The following BOC variants were observed in gnomAD, a reference collection of about 807,000 sequenced individuals.
BOC encodes BOC cell adhesion associated, oncogene regulated, also known as brother of CDO.
BOC carries 76 observed loss-of-function variants against 112.0 expected under a neutral mutation model. The ratio of observed to expected loss-of-function variants is 0.68; its 90% confidence interval spans 0.56 to 0.82. The LOEUF (loss-of-function observed/expected upper bound fraction) is 0.82. Among genes scored for constraint, BOC ranks in the 40% least tolerant of loss-of-function variants. BOC has a pLI of 0.00. For missense variants in BOC, 1,309 were observed against 1,511.7 expected, an observed-to-expected ratio of 0.87 and a Z score of 2.22; for synonymous variants, 580 against 599.8, an observed-to-expected ratio of 0.97 and a Z score of 0.48.
chr3:113,278,045 T>C lies in BOC; in HGVS notation c.1543-50T>C, dbSNP rs1948829084. 6.2e-7 allele frequency: 1 copy of C among 1,605,572 alleles called. No individual in the cohort carries two copies. Among genetic ancestry groups the C allele is most frequent in the Non-Finnish European group, 8.5e-7 (1 of 1,173,648 alleles). On this transcript the variant is annotated intron_variant, in intron 9 of 19. Coordinates refer to ENST00000682979, the MANE Select transcript of BOC (RefSeq NM_001378074.1). The surrounding 1 kb of genome is among the most constrained non-coding windows in gnomAD (Gnocchi z 4.2). ...GCTTTCTTTGTAAACCATAGCCCACTCGTAGCCCGAGGCTGAGATGCCGGT... is the reference window on the plus strand; with the variant it reads ...GCTTTCTTTGTAAACCATAGCCCACCCGTAGCCCGAGGCTGAGATGCCGGT...
chr3:113,263,535 A>G (rs114389270), intron 4 of BOC, among the ~76,000 whole-genome samples: 1 of 152,222 alleles, frequency 6.6e-6, no homozygotes, highest in Non-Finnish European at 1.5e-5. Flanking sequence ...AGATTGAATG[A>G]ATAACTCCCT....
chr3:113,283,502 G>A lies in BOC; in HGVS notation c.2526G>A (p.Val842=), dbSNP rs761060304. ...TTCCTGAAACCATAGAGCGGCCGGT[G>A]GGCACTGGGGCCATGGTGGCTCGCT... ...PPLPETIERP[V]GTGAMVARSS... is the part of the protein sequence containing the mutation. The change falls in exon 16 of 20, where the codon GTG becomes GTA. Residue 842 remains valine (V), a synonymous_variant. Coordinates refer to ENST00000682979, the MANE Select transcript of BOC (RefSeq NM_001378074.1). The A allele has an allele frequency of 6.2e-7, 1 of 1,613,994 alleles. No homozygotes were observed. Among genetic ancestry groups the A allele is most frequent in the Non-Finnish European group, 8.5e-7 (1 of 1,180,000 alleles).
intron 4 of BOC, among the ~76,000 whole-genome samples, chr3:113,255,763 G>A (rs1946161612): frequency 6.6e-6 from 1 of 152,290 alleles, no homozygotes; most frequent in African/African-American, 2.4e-5. Flanking sequence ...AAGAAAGGAA[G>A]GAGTCCCCCT....
chr3:113,274,710 T>A lies in BOC; in HGVS notation c.1542+28T>A. ...ATGGCCCTGGTGTGGGGCTGCTGCCTCCCCTGCACAGCCTTTCCAGCAAGG... is the reference window on the plus strand; with the variant it reads ...ATGGCCCTGGTGTGGGGCTGCTGCCACCCCTGCACAGCCTTTCCAGCAAGG... On this transcript the variant is annotated intron_variant, in intron 9 of 19. Transcript: ENST00000682979. The surrounding 1 kb of genome is among the most constrained non-coding windows in gnomAD (Gnocchi z 4.8). 6.4e-7 allele frequency: 1 copy of A among 1,551,224 alleles called. No homozygotes were observed. Among genetic ancestry groups the A allele is most frequent in the Non-Finnish European group, 8.8e-7 (1 of 1,141,712 alleles).
rs1359587014 is a variant in BOC at position 113,286,757 on chromosome 3, T to C, written c.3243T>C (p.Cys1081=). ...GCCAAGTGAGTGGAGGAGACTGGTG[T>C]CCCCAGCACCCCGTAGGGGCCTACG... ...DSCQVSGGDW[C]PQHPVGAYVG... The change falls in exon 20 of 20, where the codon TGT becomes TGC. Residue 1081 remains cysteine, a synonymous_variant. Coordinates refer to ENST00000682979, the MANE Select transcript of BOC (RefSeq NM_001378074.1). The C allele has an allele frequency of 1.2e-6, 2 of 1,613,764 alleles. No homozygotes were observed. The highest frequency in any genetic ancestry group is 2.2e-5 in the South Asian group (2 of 91,040).
Position 113,268,962 on chromosome 3 carries a change from T to G in BOC, c.523+517T>G, listed in dbSNP as rs775223. On this transcript the variant is annotated intron_variant, in intron 5 of 19. Coordinates refer to ENST00000682979, the MANE Select transcript of BOC (RefSeq NM_001378074.1). ...CAGGTGGCTTCCATTATGGAAGTCC[T>G]CTGTCTTAGCATGAGGAATTTCTTT... Among the ~76,000 whole-genome samples, 1,474 of 151,248 alleles carry G rather than the reference T, an allele frequency of 9.7e-3. 30 individuals carry two copies. The highest frequency in any genetic ancestry group is 0.034 in the African/African-American group (1,402 of 41,468).
At chr3:113,281,240 G>T (rs552540169) in intron 15 of BOC, 87 bp downstream of exon 15, 102 of 1,493,960 alleles carry the variant, frequency 6.8e-5, no homozygotes, top group Non-Finnish European at 8.8e-5. Flanking sequence ...TGCGGTGCTG[G>T]GCCTCTTTCC....
intron 4 of BOC, among the ~76,000 whole-genome samples, chr3:113,261,404 A>G (rs999365): frequency 0.032 from 4,901 of 152,218 alleles, 145 homozygotes; most frequent in East Asian, 0.084. Flanking sequence ...TTTCTTCAGT[A>G]TATTTTTTTT....
At chr3:113,225,981 G>A (rs1941597128) in intron 2 of BOC, among the ~76,000 whole-genome samples, 1 of 152,138 alleles carries the variant, frequency 6.6e-6, no homozygotes, top group African/African-American at 2.4e-5. Context: ...CCACAAGTAG[G>A]TACAGTGATA....
At chr3:113,254,486 T>TA (rs1946010412) in intron 4 of BOC, among the ~76,000 whole-genome samples, 1 of 152,118 alleles carries the variant, frequency 6.6e-6, no homozygotes, top group South Asian at 2.1e-4. Context: ...AGCAGTAGAT[T>TA]AAGTTTCTGA....
At chr3:113,280,733 A>G (rs974392984) in intron 14 of BOC, 70 bp downstream of exon 14, 18 of 1,296,666 alleles carry the variant, frequency 1.4e-5, no homozygotes, top group Non-Finnish European at 1.9e-5. Flanking sequence ...GGGACAAGGT[A>G]TTGGTGAAAT....
intron 2 of BOC, among the ~76,000 whole-genome samples, chr3:113,243,635 C>T (rs1944571077): frequency 6.6e-6 from 1 of 152,124 alleles, no homozygotes; most frequent in Admixed American, 6.6e-5. Context: ...TACAGATAAA[C>T]CCAACTGTTT....
In BOC at chr3:113,268,367, G is replaced by T; in HGVS notation, c.445G>T (p.Ala149Ser). 6.2e-7 allele frequency: 1 copy of T among 1,614,128 alleles called. No individual in the cohort carries two copies. Among genetic ancestry groups the T allele is most frequent in the Non-Finnish European group, 8.5e-7 (1 of 1,180,002 alleles). Reference sequence around the variant, plus strand: ...GGATGAGGGAAACACAGCAGTCATTGCCTGCCACCTGCCTGAGAGCCACCC... The same window carrying T: ...GGATGAGGGAAACACAGCAGTCATTTCCTGCCACCTGCCTGAGAGCCACCC... ...EVDEGNTAVI[A>S]CHLPESHPKA... The change falls in exon 5 of 20, where the codon GCC (alanine) becomes TCC (serine). Residue 149 changes from alanine to serine, a missense_variant. Coordinates refer to ENST00000682979, the MANE Select transcript of BOC (RefSeq NM_001378074.1).
At position 113,287,296 on chromosome 3, in the gene BOC, C is replaced by A; in HGVS notation, c.*434C>A. 1 of 300,622 alleles carries A rather than the reference C, an allele frequency of 3.3e-6. No individual in the cohort carries two copies. Among genetic ancestry groups the A allele is most frequent in the South Asian group, 2.9e-5 (1 of 33,934 alleles). The allele number at this position is 300,622 out of a possible 1,614,324, so 18.6% of individuals were successfully genotyped here. ...ACACAGATGGCTGGATCCGGTGCTACGGGAAACATTTTCCTAAGATGCCCA... is the reference window on the plus strand; with the variant it reads ...ACACAGATGGCTGGATCCGGTGCTAAGGGAAACATTTTCCTAAGATGCCCA... On this transcript the variant is annotated 3_prime_UTR_variant, in exon 20 of 20. Transcript: ENST00000682979.
intron 2 of BOC, among the ~76,000 whole-genome samples, chr3:113,248,521 G>C (rs1158485054): frequency 6.6e-6 from 1 of 152,204 alleles, no homozygotes; most frequent in East Asian, 1.9e-4. Flanking sequence ...CCACCGTGCA[G>C]ATCACTGGAA....
intron 1 of BOC, among the ~76,000 whole-genome samples, chr3:113,213,270 T>C (rs1181032158): frequency 6.6e-6 from 1 of 152,116 alleles, no homozygotes; most frequent in Admixed American, 6.5e-5. Context: ...GATTATATTT[T>C]GATTTCAGGC....
intron 2 of BOC, among the ~76,000 whole-genome samples, chr3:113,237,618 G>A (rs1559823678): frequency 6.6e-6 from 1 of 152,150 alleles, no homozygotes. Context: ...GCATCTGCAG[G>A]GACACAGCCT....
intron 19 of BOC, among the ~76,000 whole-genome samples, chr3:113,286,042 C>T (rs533220189): frequency 3.3e-5 from 5 of 152,256 alleles, no homozygotes; most frequent in Admixed American, 2.6e-4. Flanking sequence ...TGTACTTCCA[C>T]GGAACTTTTT....
chr3:113,273,091 G>T lies in BOC; in HGVS notation c.984G>T (p.Glu328Asp). The change falls in exon 8 of 20, where the codon GAG becomes GAT. Residue 328 changes from glutamate (E) to aspartate (D), a missense_variant. Physicochemically the swap from Glu to Asp is conservative, Grantham distance 45. Transcript: ENST00000682979. ...QVFEPPEVTM[E>D]LSQLVIPWGQ... ...CAGAACCCCCTGAGGTCACCATGGA[G>T]CTATCCCAGCTGGTCATCCCCTGGG... The T allele has an allele frequency of 6.2e-7, 1 of 1,607,450 alleles. No homozygotes were observed. The highest frequency in any genetic ancestry group is 8.5e-7 in the Non-Finnish European group (1 of 1,174,714).
Sources: allele counts gnomAD v4.1 joint callset (sites outside exome capture counted in the v4.1 genomes callset), GRCh38; gene constraint gnomAD v4.1.1; non-coding constraint Gnocchi (gnomAD v3.1); transcripts MANE v1.5; gene names NCBI Gene and HGNC (gene_info 2026-07-23, HGNC 2026-07-21).